Variants in CNTN4 observed in about 807,000 individuals in gnomAD.
CNTN4 encodes the protein contactin 4, also known as contactin-4.
A neutral mutation model predicts 122.5 loss-of-function variants in CNTN4; 77 were observed. That is an observed-to-expected ratio of 0.63 (90% CI 0.52 to 0.76). The LOEUF is 0.76. Among genes scored for constraint, CNTN4 ranks in the 30% least tolerant of loss-of-function variants. The pLI, the probability that CNTN4 is intolerant of heterozygous loss-of-function variation, is 0.00. For synonymous variants in CNTN4, 512 were observed against 447.0 expected (o/e 1.15, Z -1.83); for missense variants, 1,256 against 1,259.1 (o/e 1.00, Z 0.04).
chr3:2,561,265 G>A (rs765211220), intron 3 of CNTN4, among the ~76,000 whole-genome samples: 2 of 152,172 alleles, frequency 1.3e-5, no homozygotes, highest in Non-Finnish European at 2.9e-5. Context: ...TGGGAGGTTA[G>A]CAGAATTGGC....
At chr3:2,271,786 G>C (rs960465826) in intron 2 of CNTN4, among the ~76,000 whole-genome samples, 5 of 152,104 alleles carry the variant, frequency 3.3e-5, no homozygotes, top group African/African-American at 1.2e-4. Flanking sequence ...TCTCTGACTT[G>C]AGAACCCTAA....
chr3:2,238,769 C>CT (rs2039787602), intron 2 of CNTN4: 1 of 90,394 alleles, frequency 1.1e-5, no homozygotes, highest in Non-Finnish European at 2.4e-5. Context: ...GCCCTGTCGC[C>CT]CAGGCTGGAG....
intron 3 of CNTN4, among the ~76,000 whole-genome samples, chr3:2,545,471 C>T (rs980487839): frequency 1.3e-5 from 2 of 151,920 alleles, no homozygotes; most frequent in African/African-American, 4.8e-5. Flanking sequence ...TTGAAGTCTC[C>T]CACTATTATT....
At chr3:2,597,022 G>A (rs1021797536) in intron 4 of CNTN4, among the ~76,000 whole-genome samples, 15 of 151,878 alleles carry the variant, frequency 9.9e-5, no homozygotes, top group Admixed American at 5.9e-4. Context: ...TCAGAAACCC[G>A]TTATTTGGAG....
At position 2,741,503 on chromosome 3, in the gene CNTN4, G is replaced by A. The variant is rs570684317; in HGVS notation, c.183-4019G>A. On this transcript the variant is annotated intron_variant, in intron 5 of 24. Coordinates refer to ENST00000418658, the MANE Select transcript of CNTN4 (RefSeq NM_175607.3). ...AGGTCACTTTTTAAAGCAGAAGGCCGCTGTTCATAATTATTCTAGGACAGC... is the reference window on the plus strand; with the variant it reads ...AGGTCACTTTTTAAAGCAGAAGGCCACTGTTCATAATTATTCTAGGACAGC... 2.0e-5 allele frequency among the ~76,000 whole-genome samples: 3 copies of A among 152,140 alleles called. No individual in the cohort carries two copies. The South Asian group carries it at 6.2e-4, about 31-fold the overall frequency.
At chr3:2,309,191 CCCTTTT>C in intron 2 of CNTN4, among the ~76,000 whole-genome samples, 1 of 151,928 alleles carries the variant, frequency 6.6e-6, no homozygotes, top group Non-Finnish European at 1.5e-5. Context: ...GGCAGATTGA[CCCTTTT>C]CTCATTATAA....
At chr3:2,873,009 C>T (rs1396110553) in intron 8 of CNTN4, among the ~76,000 whole-genome samples, 1 of 152,126 alleles carries the variant, frequency 6.6e-6, no homozygotes, top group African/African-American at 2.4e-5. Flanking sequence ...CATCTTAAAT[C>T]AAGCTTTCAC....
chr3:2,777,155 G>C (rs1384895123), intron 6 of CNTN4, among the ~76,000 whole-genome samples: 1 of 152,000 alleles, frequency 6.6e-6, no homozygotes, highest in East Asian at 1.9e-4. Context: ...TAACATCTTT[G>C]AATTTAAGGA....
At chr3:2,712,936 C>A (rs1386585235) in intron 4 of CNTN4, among the ~76,000 whole-genome samples, 1 of 152,184 alleles carries the variant, frequency 6.6e-6, no homozygotes, top group African/African-American at 2.4e-5. Flanking sequence ...AAGCTCCACG[C>A]CCCTTCCCCA....
At chr3:2,534,372 C>T (rs376550591) in intron 3 of CNTN4, among the ~76,000 whole-genome samples, 1 of 152,088 alleles carries the variant, frequency 6.6e-6, no homozygotes, top group African/African-American at 2.4e-5. Context: ...AATCCTTTCC[C>T]CATTTCTTGT....
At chr3:2,193,921 T>C (rs2037710692) in intron 2 of CNTN4, among the ~76,000 whole-genome samples, 1 of 152,170 alleles carries the variant, frequency 6.6e-6, no homozygotes, top group Non-Finnish European at 1.5e-5. Flanking sequence ...GGCTATATCA[T>C]TTAGGTTTGT....
At chr3:2,627,718 C>A (rs1448833732) in intron 4 of CNTN4, among the ~76,000 whole-genome samples, 3 of 152,068 alleles carry the variant, frequency 2.0e-5, no homozygotes, top group South Asian at 4.1e-4. Context: ...TGGTCTCGAT[C>A]TCCTGACCTT....
At position 2,988,477 on chromosome 3, in the gene CNTN4, T is replaced by C. The variant is rs370160749; in HGVS notation, c.1486+5T>C. 4.3e-6 allele frequency: 7 copies of C among 1,613,588 alleles called. No homozygotes were observed. The highest frequency in any genetic ancestry group is 5.9e-6 in the Non-Finnish European group (7 of 1,179,688). On this transcript the variant is annotated splice_donor_5th_base_variant and intron_variant, in intron 14 of 24. Transcript: ENST00000418658. Reference sequence around the variant, plus strand: ...CTGGAAACTTGGTAGTGAAAGGTAATGGCTAACCCAAAGAATTCGAATATT... The same window carrying C: ...CTGGAAACTTGGTAGTGAAAGGTAACGGCTAACCCAAAGAATTCGAATATT...
intron 19 of CNTN4, 89 bp downstream of exon 19, chr3:3,039,092 T>C (rs963071319): frequency 3.3e-5 from 38 of 1,147,910 alleles, no homozygotes; most frequent in Non-Finnish European, 4.1e-5. Context: ...GGAAGTTTCC[T>C]CCTCTGTTTT....
chr3:2,342,272 C>T (rs959119351), intron 3 of CNTN4, among the ~76,000 whole-genome samples: 2 of 152,106 alleles, frequency 1.3e-5, no homozygotes, highest in African/African-American at 4.8e-5. Flanking sequence ...TAATGCTAGA[C>T]AATTTAGTCT....
chr3:2,921,073 C>T (rs545523246), intron 12 of CNTN4, among the ~76,000 whole-genome samples: 32 of 152,222 alleles, frequency 2.1e-4, no homozygotes, highest in African/African-American at 7.7e-4. Context: ...AGGGTCTCAC[C>T]GTCACCAAAG....
At position 3,057,305 on chromosome 3, in the gene CNTN4, T is replaced by C. The variant is rs1391750435; in HGVS notation, c.*1085T>C. 6.6e-6 allele frequency: 1 copy of C among 152,664 alleles called. No individual in the cohort carries two copies. The highest frequency in any genetic ancestry group is 1.5e-5 in the Non-Finnish European group (1 of 68,036). The allele number at this position is 152,664 out of a possible 1,614,324, so 9.5% of individuals were successfully genotyped here. A position where few individuals can be genotyped will look rare whatever the true frequency, so the allele number is the denominator to read the frequency against. Reference sequence around the variant, plus strand: ...TTTCAACAAATAGTTGCTGCAAGAATTTTTAATATGACTCTATAAAAGCTC... The same window carrying C: ...TTTCAACAAATAGTTGCTGCAAGAACTTTTAATATGACTCTATAAAAGCTC... On this transcript the variant is annotated 3_prime_UTR_variant, in exon 25 of 25. Coordinates refer to ENST00000418658, the MANE Select transcript of CNTN4 (RefSeq NM_175607.3).
At chr3:2,434,088 A>C (rs138365365) in intron 3 of CNTN4, among the ~76,000 whole-genome samples, 1 of 152,298 alleles carries the variant, frequency 6.6e-6, no homozygotes, top group East Asian at 1.9e-4. Flanking sequence ...GATCTATTGC[A>C]CAAAGTGATG....
chr3:2,296,799 AAC>A (rs530602918), intron 2 of CNTN4, among the ~76,000 whole-genome samples: 7 of 86,070 alleles, frequency 8.1e-5, no homozygotes, highest in African/African-American at 3.5e-4. Flanking sequence ...GAAAAAAAAA[AAC>A]AACAAAAAAC....
Sources: gnomAD v4.1 joint callset for allele counts (sites outside exome capture counted in the v4.1 genomes callset) on GRCh38, gnomAD v4.1.1 for gene constraint, MANE v1.5 for transcripts, NCBI Gene and HGNC (gene_info 2026-07-23, HGNC 2026-07-21) for gene names.